The following PABPC4L variants were observed in gnomAD, a reference collection of about 807,000 sequenced individuals.
The protein encoded by PABPC4L is poly(A) binding protein cytoplasmic 4 like.
For missense variants in PABPC4L, 452 were observed against 451.4 expected, an observed-to-expected ratio of 1.00 and a Z score of -0.01; for synonymous variants, 169 against 164.1, an observed-to-expected ratio of 1.03 and a Z score of -0.23.
chr4:134,167,796 A>G, the PABPC4L span, among the ~76,000 whole-genome samples: 1 of 152,068 alleles, frequency 6.6e-6, no homozygotes, highest in Admixed American at 6.6e-5. Flanking sequence ...TAAAACAAAT[A>G]TTATCTGAGG....
At chr4:134,031,213 T>C in the PABPC4L span, among the ~76,000 whole-genome samples, 1 of 152,024 alleles carries the variant, frequency 6.6e-6, no homozygotes, top group Admixed American at 6.6e-5. Context: ...GTACCTCCTA[T>C]AGGAAGGAGT....
rs1466240221 is a variant in PABPC4L, at chr4:134,200,107, C to T, written c.913G>A (p.Asp305Asn). 6 of 1,551,632 alleles carry T rather than the reference C, an allele frequency of 3.9e-6. No individual in the cohort carries two copies. The highest frequency in any genetic ancestry group is 5.2e-6 in the Non-Finnish European group (6 of 1,146,940). ...LYIKNLDDTIDDEKLRNEFSS... is the reference protein window; with the variant it reads ...LYIKNLDDTINDEKLRNEFSS... ...AATTCGTTTCGTAGTTTTTCATCAT[C>T]GATGGTGTCATCAAGGTTCTTAATA... Residue 305 changes from aspartate (D) to asparagine (N), a missense_variant, in exon 2 of 2, where the codon GAT becomes AAT. By Grantham distance (23) the Asp-to-Asn change is conservative. Coordinates refer to ENST00000421491, the MANE Select transcript of PABPC4L (RefSeq NM_001114734.2).
At chr4:134,094,443 G>A in the PABPC4L span, among the ~76,000 whole-genome samples, 3,782 of 151,880 alleles carry the variant, frequency 0.025, 133 homozygotes, top group African/African-American at 0.085. Context: ...ATCATTTTTT[G>A]TGTAGTAAAC....
chr4:134,027,808 A>C, the PABPC4L span, among the ~76,000 whole-genome samples: 1 of 152,318 alleles, frequency 6.6e-6, no homozygotes, highest in Middle Eastern at 3.4e-3. Flanking sequence ...ATCTTTAGAA[A>C]GCCACATTGA....
At chr4:134,028,948 G>A in the PABPC4L span, among the ~76,000 whole-genome samples, 4 of 152,074 alleles carry the variant, frequency 2.6e-5, no homozygotes, top group African/African-American at 9.7e-5. Context: ...GAAACATAGT[G>A]TGTATTTTGA....
chr4:134,068,613 T>A, the PABPC4L span, among the ~76,000 whole-genome samples: 1 of 152,172 alleles, frequency 6.6e-6, no homozygotes, highest in Non-Finnish European at 1.5e-5. Flanking sequence ...ACAGTGTCAG[T>A]GATCTATGTA....
the PABPC4L span, among the ~76,000 whole-genome samples, chr4:134,182,600 T>C: frequency 6.6e-6 from 1 of 151,852 alleles, no homozygotes; most frequent in Non-Finnish European, 1.5e-5. Context: ...AATTGACAAA[T>C]GGGATGTAAT....
chr4:134,191,920 A>C (rs968016901), downstream of PABPC4L, among the ~76,000 whole-genome samples: 1 of 152,102 alleles, frequency 6.6e-6, no homozygotes, highest in Non-Finnish European at 1.5e-5. Context: ...CAAAATTAAG[A>C]ATAGAAAAAC....
chr4:133,968,153 T>C, the PABPC4L span, among the ~76,000 whole-genome samples: 166 of 152,302 alleles, frequency 1.1e-3, no homozygotes, highest in African/African-American at 2.9e-3. Flanking sequence ...ACAAGACTAA[T>C]GGCATAGGGA....
the PABPC4L span, among the ~76,000 whole-genome samples, chr4:134,074,013 C>T: frequency 6.6e-6 from 1 of 152,296 alleles, no homozygotes; most frequent in Admixed American, 6.5e-5. Context: ...GCCCTGGAGA[C>T]ATTTTCTCTG....
At chr4:134,149,532 G>T in the PABPC4L span, among the ~76,000 whole-genome samples, 5 of 152,136 alleles carry the variant, frequency 3.3e-5, no homozygotes, top group African/African-American at 1.2e-4. Flanking sequence ...AGGGGTTGCA[G>T]CTCCTTTGAT....
the PABPC4L span, among the ~76,000 whole-genome samples, chr4:134,059,333 G>GA: frequency 3.2e-5 from 4 of 123,642 alleles, no homozygotes; most frequent in South Asian, 2.5e-4. Flanking sequence ...AAGGATGAAA[G>GA]AAAAAAAAAG....
In PABPC4L at chr4:134,200,895, C is replaced by A. The variant is rs779670173; in HGVS notation, c.125G>T (p.Cys42Phe). 3 of 1,559,776 alleles carry A rather than the reference C, an allele frequency of 1.9e-6. No individual in the cohort carries two copies. The highest frequency in any genetic ancestry group is 1.2e-5 in the South Asian group (1 of 84,582). ...TVGPVLSIRI[C>F]RDQVTRRSLG... is the part of the protein sequence containing the mutation. ...AGAGCGGCGGGTGACCTGGTCCCTG[C>A]AAATGCGGATGGACAGCACAGGCCC... The change falls in exon 2 of 2, where the codon TGC becomes TTC. Residue 42 changes from cysteine (C) to phenylalanine (F), a missense_variant. Coordinates refer to ENST00000421491, the MANE Select transcript of PABPC4L (RefSeq NM_001114734.2).
the PABPC4L span, among the ~76,000 whole-genome samples, chr4:134,098,075 G>A: frequency 2.6e-5 from 4 of 151,676 alleles, no homozygotes; most frequent in African/African-American, 4.8e-5. Flanking sequence ...TAAACTCTGA[G>A]GCTGTTAATA....
chr4:134,146,697 A>C, the PABPC4L span, among the ~76,000 whole-genome samples: 1 of 152,028 alleles, frequency 6.6e-6, no homozygotes, highest in African/African-American at 2.4e-5. Flanking sequence ...GAGGGTACCC[A>C]ATAGTTGTTT....
chr4:134,026,474 C>T, the PABPC4L span, among the ~76,000 whole-genome samples: 1 of 151,974 alleles, frequency 6.6e-6, no homozygotes, highest in Non-Finnish European at 1.5e-5. Flanking sequence ...TCTGCTTATA[C>T]ATCCCTGTCA....
chr4:134,150,059 T>C, the PABPC4L span, among the ~76,000 whole-genome samples: 1 of 149,840 alleles, frequency 6.7e-6, no homozygotes, highest in Non-Finnish European at 1.5e-5. Context: ...TATTCTTTTA[T>C]CATTTTTGGT....
At chr4:134,013,487 C>A in the PABPC4L span, among the ~76,000 whole-genome samples, 3 of 152,036 alleles carry the variant, frequency 2.0e-5, no homozygotes, top group Non-Finnish European at 2.9e-5. Context: ...CTCTTCAACT[C>A]TCACCTGACC....
At chr4:134,123,249 G>A in the PABPC4L span, among the ~76,000 whole-genome samples, 1 of 151,964 alleles carries the variant, frequency 6.6e-6, no homozygotes, top group South Asian at 2.1e-4. Context: ...TCTCCATAAT[G>A]TACCTATTAG....
Sources: gnomAD v4.1 joint callset for allele counts (sites outside exome capture counted in the v4.1 genomes callset) on GRCh38, gnomAD v4.1.1 for gene constraint, MANE v1.5 for transcripts, NCBI Gene and HGNC (gene_info 2026-07-23, HGNC 2026-07-21) for gene names.